The following ANK2 variants were observed in gnomAD, a reference collection of about 807,000 sequenced individuals.
The protein encoded by ANK2 is ankyrin-2.
ANK2 carries 83 observed loss-of-function variants against 360.5 expected under a neutral mutation model. That is an observed-to-expected ratio of 0.23 (90% CI 0.19 to 0.28). ANK2 has a LOEUF of 0.28. Among genes scored for constraint, ANK2 ranks in the 10% least tolerant of loss-of-function variants. ANK2 has a pLI of 1.00. For missense variants in ANK2, 4,201 were observed against 4,795.7 expected (o/e 0.88, Z 3.66); for synonymous variants, 1,740 against 1,759.5 (o/e 0.99, Z 0.28).
chr4:112,814,858 C>T (rs1023238161), upstream of ANK2, among the ~76,000 whole-genome samples: 5 of 152,082 alleles, frequency 3.3e-5, no homozygotes, highest in Non-Finnish European at 2.9e-5. Context: ...GGCCACATTT[C>T]GCACTTCACT....
chr4:113,088,320 G>A (rs2085900699), intron 1 of ANK2, among the ~76,000 whole-genome samples: 1 of 152,188 alleles, frequency 6.6e-6, no homozygotes. Context: ...ACTGGCAATA[G>A]TCACAGTTCA....
intron 43 of ANK2, chr4:113,372,734 C>T: frequency 1.3e-6 from 1 of 750,818 alleles, no homozygotes; most frequent in Non-Finnish European, 2.2e-6. Context: ...TAGTGCATGG[C>T]CATTCAAAAG....
intron 2 of ANK2, among the ~76,000 whole-genome samples, chr4:112,999,949 C>T (rs6812106): frequency 0.2 from 30,605 of 151,912 alleles, 3,289 homozygotes; most frequent in African/African-American, 0.29. Context: ...CTCTATGCTC[C>T]TAAGTTCAGT....
chr4:113,299,503 G>A (rs914793959), intron 22 of ANK2, among the ~76,000 whole-genome samples: 29 of 151,942 alleles, frequency 1.9e-4, no homozygotes, highest in Non-Finnish European at 2.2e-4. Flanking sequence ...TCAAGTGTTC[G>A]AGACCAGCCA....
chr4:113,000,784 C>A (rs1472306153), intron 2 of ANK2, among the ~76,000 whole-genome samples: 1 of 152,140 alleles, frequency 6.6e-6, no homozygotes, highest in Admixed American at 6.5e-5. Context: ...TCATGTGGAT[C>A]CTTGTCATAG....
At chr4:112,929,537 G>A (rs1416314161) in intron 2 of ANK2, among the ~76,000 whole-genome samples, 1 of 152,198 alleles carries the variant, frequency 6.6e-6, no homozygotes, top group Non-Finnish European at 1.5e-5. Flanking sequence ...TTGTGTTCAT[G>A]GGCAGCACTG....
chr4:112,854,210 G>C (rs887036251), intron 1 of ANK2, among the ~76,000 whole-genome samples: 25 of 152,150 alleles, frequency 1.6e-4, no homozygotes, highest in African/African-American at 5.3e-4. Context: ...TTATAAACTT[G>C]GTAGGTGGTT....
Position 112,973,342 on chromosome 4 carries a change from C to T in ANK2, c.21+68828C>T, listed in dbSNP as rs142770624. ...TAGGCGTGGCAGAGCATTTTTATCA[C>T]TCTTTATAGTTGGCAAATTAAGATA... On this transcript the variant is annotated intron_variant, in intron 2 of 30. Coordinates refer to the ANK2 transcript ENST00000503271. Among the ~76,000 whole-genome samples the T allele has an allele frequency of 6.1e-3, 930 of 152,268 alleles. 15 individuals are homozygous for T. Among genetic ancestry groups the T allele is most frequent in the African/African-American group, 0.021 (882 of 41,538 alleles).
chr4:113,254,980 A>T (rs201457164), intron 10 of ANK2, among the ~76,000 whole-genome samples: 2 of 64,962 alleles, frequency 3.1e-5, no homozygotes, highest in South Asian at 1.2e-3. Flanking sequence ...ATTTAGCTTT[A>T]AAAAAAATGA....
At chr4:113,104,227 T>C (rs372518878) in intron 1 of ANK2, among the ~76,000 whole-genome samples, 7 of 152,196 alleles carry the variant, frequency 4.6e-5, no homozygotes, top group African/African-American at 1.7e-4. Flanking sequence ...TTTCTTCTTT[T>C]CTTCCTTTAC....
intron 1 of ANK2, among the ~76,000 whole-genome samples, chr4:112,886,597 A>C (rs2078444432): frequency 2.0e-5 from 3 of 151,998 alleles, no homozygotes; most frequent in Admixed American, 1.3e-4. Context: ...GGGAAGTGGA[A>C]GTTGCAGTGA....
intron 45 of ANK2, chr4:113,378,011 T>G: frequency 1.7e-6 from 1 of 575,232 alleles, no homozygotes; most frequent in South Asian, 1.9e-5. Context: ...ATACTGACTA[T>G]GAGTAAAGCA....
intron 2 of ANK2, among the ~76,000 whole-genome samples, chr4:112,936,120 G>C (rs1160047531): frequency 2.6e-5 from 4 of 152,174 alleles, no homozygotes; most frequent in African/African-American, 7.2e-5. Context: ...AGTGTAGGCA[G>C]CTTCTGCGTT....
chr4:112,809,268 TA>T, the ANK2 span, among the ~76,000 whole-genome samples: 1 of 148,448 alleles, frequency 6.7e-6, no homozygotes, highest in Admixed American at 6.7e-5. Flanking sequence ...TGGTTAGAAA[TA>T]AATAAATAAG....
rs1463969796 is a variant in ANK2, at chr4:113,353,206, G to C, written c.4588G>C (p.Gly1530Arg). ...ILTTDVSDKA[G>R]SIKVKELVKA... ...GACCACAGATGTGTCTGATAAGGCAGGTTCTATTAAAGTGAAGGAGCTGGT... is the reference window on the plus strand; with the variant it reads ...GACCACAGATGTGTCTGATAAGGCACGTTCTATTAAAGTGAAGGAGCTGGT... Residue 1530 changes from glycine (G) to arginine (R), a missense_variant, in exon 38 of 46, where the codon GGT (glycine) becomes CGT (arginine). This residue lies in a region of ANK2 where 1,268 missense variants were observed against 1,650.8 expected (regional missense o/e 0.77). Coordinates refer to ENST00000357077, the MANE Select transcript of ANK2 (RefSeq NM_001148.6). The C allele has an allele frequency of 7.4e-6, 12 of 1,614,036 alleles. No individual in the cohort carries two copies. Among genetic ancestry groups the C allele is most frequent in the Non-Finnish European group, 1.0e-5 (12 of 1,179,946 alleles).
At chr4:112,870,014 C>T (rs1360858109) in intron 1 of ANK2, among the ~76,000 whole-genome samples, 3 of 151,642 alleles carry the variant, frequency 2.0e-5, no homozygotes, top group African/African-American at 7.3e-5. Context: ...TGTTTGTTTT[C>T]TTGAGACAGA....
At chr4:113,311,192 C>T in intron 23 of ANK2, 63 bp from the exon 24 acceptor site, 1 of 1,601,152 alleles carries the variant, frequency 6.2e-7, no homozygotes. Flanking sequence ...CAATCATGAC[C>T]ATATGTTGTA....
chr4:112,976,896 G>A (rs2041616385), intron 2 of ANK2, among the ~76,000 whole-genome samples: 1 of 152,176 alleles, frequency 6.6e-6, no homozygotes, highest in African/African-American at 2.4e-5. Flanking sequence ...TTCCTTGAAA[G>A]CAGGTAGAAA....
At chr4:113,112,739 G>A (rs762881174) in intron 1 of ANK2, among the ~76,000 whole-genome samples, 1 of 152,120 alleles carries the variant, frequency 6.6e-6, no homozygotes, top group Non-Finnish European at 1.5e-5. Context: ...AGCTTGAGAG[G>A]CATACACTTG....
Sources: allele counts gnomAD v4.1 joint callset (sites outside exome capture counted in the v4.1 genomes callset), GRCh38; gene constraint gnomAD v4.1.1; regional missense constraint gnomAD v4.1.1; transcripts MANE v1.5; gene names NCBI Gene and HGNC (gene_info 2026-07-23, HGNC 2026-07-21).